ROPN1L: variants seen among roughly 807,000 people sequenced by gnomAD.
The protein encoded by ROPN1L is rhophilin associated tail protein 1 like, also known as ropporin-1-like protein.
In ROPN1L, 23 loss-of-function variants were observed where a neutral mutation model predicts 22.7. The observed-to-expected ratio is 1.01, with a 90% confidence interval of 0.73 to 1.43. ROPN1L has a LOEUF of 1.43. Ranked by LOEUF, ROPN1L falls within the 40% of genes most tolerant of loss-of-function variation. The pLI is 0.00. For synonymous variants in ROPN1L, 116 were observed against 117.8 expected (o/e 0.98, Z 0.10); for missense variants, 271 against 291.5 (o/e 0.93, Z 0.51).
At chr5:10,469,797 A>T (rs1381939381), downstream of ROPN1L, among the ~76,000 whole-genome samples, 1 of 152,204 alleles carries the variant, frequency 6.6e-6, no homozygotes, top group Non-Finnish European at 1.5e-5. Flanking sequence ...TTTATGAGGT[A>T]TAGGAAAAGA....
At chr5:10,450,475 A>G (rs1741217357) in intron 3 of ROPN1L, among the ~76,000 whole-genome samples, 1 of 152,184 alleles carries the variant, frequency 6.6e-6, no homozygotes, top group Non-Finnish European at 1.5e-5. Context: ...TTTCTACTTT[A>G]GTAGAAATCT....
In ROPN1L at chr5:10,448,287, T is replaced by G. The variant is rs1486589153; in HGVS notation, c.159T>G (p.Asp53Glu). 2.5e-6 allele frequency: 4 copies of G among 1,613,976 alleles called. No homozygotes were observed. In the African/African-American group the frequency reaches 5.3e-5, roughly 22 times the overall value. The part of the protein sequence containing the change: ...AGYFSALSRG[D>E]PLPVKDRMEM... ...ATTTTTCAGCTCTGTCGAGAGGAGA[T>G]CCACTTCCTGTAAAGGACAGAATGG... Residue 53 changes from aspartate to glutamate, a missense_variant, in exon 2 of 5, where the codon GAT becomes GAG. Transcript: ENST00000274134.
At chr5:10,455,485 CT>C (rs1302453335) in intron 3 of ROPN1L, among the ~76,000 whole-genome samples, 1 of 152,208 alleles carries the variant, frequency 6.6e-6, no homozygotes. Flanking sequence ...TCCAGTTCCC[CT>C]GATTGCTCAT....
chr5:10,472,265 A>G (rs1198213718), downstream of ROPN1L, among the ~76,000 whole-genome samples: 2 of 152,210 alleles, frequency 1.3e-5, no homozygotes, highest in Non-Finnish European at 2.9e-5. Context: ...TCAACCATGC[A>G]TTTATTATGT....
intron 3 of ROPN1L, among the ~76,000 whole-genome samples, chr5:10,458,471 G>A (rs556114167): frequency 1.6e-3 from 40 of 24,614 alleles, no homozygotes; most frequent in Admixed American, 6.0e-3. Flanking sequence ...ACACCATCCC[G>A]CTGTGTACAC....
intron 1 of ROPN1L, among the ~76,000 whole-genome samples, chr5:10,444,367 G>A (rs977516655): frequency 1.3e-5 from 2 of 151,876 alleles, no homozygotes; most frequent in African/African-American, 2.4e-5. Context: ...CTCGGCTCAC[G>A]GCAACCTCTG....
intron 4 of ROPN1L, among the ~76,000 whole-genome samples, chr5:10,464,303 C>G (rs892217374): frequency 3.9e-5 from 6 of 152,206 alleles, no homozygotes; most frequent in African/African-American, 1.4e-4. Flanking sequence ...TGACACCATC[C>G]TGGCTGGTGT....
intron 3 of ROPN1L, among the ~76,000 whole-genome samples, chr5:10,457,387 C>T (rs546619156): frequency 1.6e-4 from 25 of 152,352 alleles, no homozygotes; most frequent in South Asian, 6.2e-4. Flanking sequence ...AGATAGGCGA[C>T]GTCTGTGCCC....
At chr5:10,476,323 C>G (rs140157580), downstream of ROPN1L, among the ~76,000 whole-genome samples, 21 of 152,340 alleles carry the variant, frequency 1.4e-4, no homozygotes, top group African/African-American at 5.1e-4. Flanking sequence ...AGGAAAACAT[C>G]TCTGGCAAGG....
At chr5:10,471,031 G>T (rs961226116) in intron 4 of ROPN1L, among the ~76,000 whole-genome samples, 8 of 152,226 alleles carry the variant, frequency 5.3e-5, no homozygotes, top group Non-Finnish European at 1.0e-4. Context: ...CTGGCAGTCC[G>T]ACTCCAGAGC....
chr5:10,479,902 G>A, the ROPN1L span, among the ~76,000 whole-genome samples: 1,228 of 152,162 alleles, frequency 8.1e-3, 15 homozygotes, highest in Middle Eastern at 0.027. Context: ...GCGCCACCAC[G>A]CCTGGCTAAT....
chr5:10,470,270 A>G (rs1017352023), intron 4 of ROPN1L, among the ~76,000 whole-genome samples: 13 of 62,020 alleles, frequency 2.1e-4, no homozygotes, highest in Non-Finnish European at 4.2e-4. Flanking sequence ...GCTTTGTACA[A>G]TTTGTACAAT....
At chr5:10,456,218 G>T (rs1469153980) in intron 3 of ROPN1L, among the ~76,000 whole-genome samples, 1 of 152,242 alleles carries the variant, frequency 6.6e-6, no homozygotes, top group Non-Finnish European at 1.5e-5. Context: ...TGGGTGCAGT[G>T]GCTCACGCCT....
intron 1 of ROPN1L, among the ~76,000 whole-genome samples, chr5:10,443,649 C>T (rs965063874): frequency 4.0e-5 from 6 of 151,840 alleles, no homozygotes; most frequent in African/African-American, 1.2e-4. Context: ...AAAACACAGA[C>T]ATACATTCTT....
At chr5:10,462,784 G>A (rs990056556) in intron 4 of ROPN1L, among the ~76,000 whole-genome samples, 1 of 152,146 alleles carries the variant, frequency 6.6e-6, no homozygotes, top group African/African-American at 2.4e-5. Context: ...CTACTCAGGA[G>A]GCTGAGGCAA....
In ROPN1L at chr5:10,461,233, C is replaced by A; in HGVS notation, c.467C>A (p.Pro156Gln). Residue 156 changes from proline to glutamine, a missense_variant, in exon 4 of 5, where the codon CCG (proline) becomes CAG (glutamine). Coordinates refer to ENST00000274134, the MANE Select transcript of ROPN1L (RefSeq NM_031916.5). The part of the protein sequence containing the change: ...KHLCEILTDD[P>Q]EGGPARIPFK... ...CTGTGCGAGATCCTCACGGACGATCCGGAGGGCGGGCCCGCTCGCATCCCC... is the reference window on the plus strand; with the variant it reads ...CTGTGCGAGATCCTCACGGACGATCAGGAGGGCGGGCCCGCTCGCATCCCC... 6.2e-7 allele frequency: 1 copy of A among 1,614,138 alleles called. No homozygotes were observed. The highest frequency in any genetic ancestry group is 1.1e-5 in the South Asian group (1 of 91,080).
chr5:10,457,380 T>C (rs1734852476), intron 3 of ROPN1L, among the ~76,000 whole-genome samples: 1 of 152,222 alleles, frequency 6.6e-6, no homozygotes. Context: ...GGTCCTCAGA[T>C]AGGCGACGTC....
intron 1 of ROPN1L, 95 bp downstream of exon 1, chr5:10,442,393 A>C: frequency 6.7e-7 from 1 of 1,502,958 alleles, no homozygotes; most frequent in Admixed American, 1.9e-5. Flanking sequence ...CTTACGCGGC[A>C]CTCAGCGTCC....
Position 10,453,193 on chromosome 5 carries a change from T to C in ROPN1L, c.417+3080T>C, listed in dbSNP as rs930892105. ...GTAGACTCAGGGTCAGGTTCAAGTG[T>C]GGAAGCTGACCTCTCCTCCCTCAGA... On this transcript the variant is annotated intron_variant, in intron 3 of 4. Transcript: ENST00000274134. Among the ~76,000 whole-genome samples the C allele has an allele frequency of 2.0e-5, 3 of 152,200 alleles. No individual in the cohort carries two copies. In the South Asian group the frequency reaches 6.2e-4, roughly 31 times the overall value.
Sources: gnomAD v4.1 joint callset for allele counts (sites outside exome capture counted in the v4.1 genomes callset) on GRCh38, gnomAD v4.1.1 for gene constraint, MANE v1.5 for transcripts, NCBI Gene and HGNC (gene_info 2026-07-23, HGNC 2026-07-21) for gene names.